The following MYO5C variants were observed in gnomAD, a reference collection of about 807,000 sequenced individuals.
The protein encoded by MYO5C is myosin VC.
In MYO5C, 194 loss-of-function variants were observed where a neutral mutation model predicts 235.7. The ratio of observed to expected loss-of-function variants is 0.82; its 90% CI spans 0.73 to 0.93. MYO5C has a LOEUF of 0.93. Among genes scored for constraint, MYO5C ranks in the 40% least tolerant of loss-of-function variants. MYO5C has a pLI of 0.00. For missense variants in MYO5C, 2,038 were observed against 2,127.2 expected (o/e 0.96, Z 0.82); for synonymous variants, 707 against 754.8 (o/e 0.94, Z 1.04).
At chr15:52,233,314 A>T (rs28665486) in intron 23 of MYO5C, among the ~76,000 whole-genome samples, 18,864 of 25,296 alleles carry the variant, frequency 0.75, 7,940 homozygotes, top group Non-Finnish European at 0.94. Context: ...AAAAAAAAAA[A>T]TAAATAAATA....
At chr15:52,197,291 G>C (rs1251989540) in intron 38 of MYO5C, among the ~76,000 whole-genome samples, 2 of 152,126 alleles carry the variant, frequency 1.3e-5, no homozygotes, top group African/African-American at 4.8e-5. Flanking sequence ...CCATGCAATG[G>C]GGTATTATTC....
Position 52,197,941 on chromosome 15 carries a change from T to C in MYO5C, c.4821-1458A>G, listed in dbSNP as rs115884071. Among the ~76,000 whole-genome samples, 1,169 of 152,148 alleles carry C rather than the reference T, an allele frequency of 7.7e-3. 13 individuals are homozygous for C. Among genetic ancestry groups the C allele is most frequent in the African/African-American group, 0.027 (1,131 of 41,512 alleles). Reference sequence around the variant, plus strand: ...GTGAGTGACTGTGCCTGGCCTGAACTATATACTTTAAACAGGTAAACTGTA... The same window carrying C: ...GTGAGTGACTGTGCCTGGCCTGAACCATATACTTTAAACAGGTAAACTGTA... On this transcript the variant is annotated intron_variant, in intron 38 of 40. Coordinates refer to ENST00000261839, the MANE Select transcript of MYO5C (RefSeq NM_018728.4).
intron 38 of MYO5C, among the ~76,000 whole-genome samples, chr15:52,203,503 G>A (rs1244786063): frequency 3.3e-5 from 5 of 151,814 alleles, no homozygotes; most frequent in African/African-American, 1.2e-4. Flanking sequence ...GTGCCACAAC[G>A]CCCAGCTAAT....
At position 52,193,173 on chromosome 15, in the gene MYO5C, C is replaced by CAG. The variant is rs2141249824; in HGVS notation, c.*728_*729insCT. On this transcript the variant is annotated 3_prime_UTR_variant, in exon 41 of 41. Transcript: ENST00000261839. The stretch of plus-strand genomic sequence containing the variant: ...ACTAAAAATACAAAAATTAGCTGGG[C>CAG]GTGGTGGCAGGTGCCTGTAGTCCCA... The CAG allele has an allele frequency of 6.6e-6, 1 of 151,970 alleles. No homozygotes were observed. The highest frequency in any genetic ancestry group is 2.1e-4 in the South Asian group (1 of 4,800). The allele number at this position is 151,970 out of a possible 1,614,324, so 9.4% of individuals were successfully genotyped here.
At chr15:52,232,328 G>GGGAGGAAA (rs2035980416) in intron 24 of MYO5C, among the ~76,000 whole-genome samples, 1 of 18,664 alleles carries the variant, frequency 5.4e-5, no homozygotes, top group African/African-American at 9.9e-5. Flanking sequence ...AAGGAAGGAA[G>GGGAGGAAA]GAGAGAAAGA....
chr15:52,221,073 A>AT, intron 30 of MYO5C, 89 bp downstream of exon 30: 1 of 1,018,498 alleles, frequency 9.8e-7, no homozygotes, highest in South Asian at 1.6e-5. Context: ...ACCAGAGTTT[A>AT]AAAGCCCTGA....
intron 22 of MYO5C, chr15:52,236,863 A>G (rs2036098131): frequency 6.6e-6 from 1 of 152,238 alleles, no homozygotes; most frequent in Non-Finnish European, 1.5e-5. Context: ...TATAGGAGGA[A>G]ACTAAAATTC....
chr15:52,213,146 C>A, intron 34 of MYO5C, 42 bp downstream of exon 34: 2 of 1,520,798 alleles, frequency 1.3e-6, no homozygotes, highest in Non-Finnish European at 9.1e-7. Context: ...TATGCAAGTT[C>A]TCAAAGAGAA....
Position 52,264,242 on chromosome 15 carries a change from T to G in MYO5C, c.995A>C (p.His332Pro), listed in dbSNP as rs753203744. The G allele has an allele frequency of 6.2e-7, 1 of 1,614,188 alleles. No individual in the cohort carries two copies. Among genetic ancestry groups the G allele is most frequent in the Non-Finnish European group, 8.5e-7 (1 of 1,180,022 alleles). The change falls in exon 9 of 41, where the codon CAT (histidine) becomes CCT (proline). Residue 332 changes from histidine to proline, a missense_variant. Transcript: ENST00000261839. ...CGCGGTGATCTGCACATTGCCCAGA[T>G]GTAGGATGGCTGCCAGGATTTTAAA... Reference protein sequence around the residue: ...DVFKILAAILHLGNVQITAVG... With the variant: ...DVFKILAAILPLGNVQITAVG...
At chr15:52,286,952 AAAAAGAAAAAAAAAAAAG>A in intron 1 of MYO5C, among the ~76,000 whole-genome samples, 1 of 140,100 alleles carries the variant, frequency 7.1e-6, no homozygotes, top group Non-Finnish European at 1.6e-5. Context: ...AAAAAAAAGA[AAAAAGAAAAAAAAAAAAG>A]AAAAACTAAC....
At chr15:52,202,918 A>AT (rs199690225) in intron 38 of MYO5C, among the ~76,000 whole-genome samples, 1,963 of 105,126 alleles carry the variant, frequency 0.019, 37 homozygotes, top group African/African-American at 0.053. Context: ...GGTACATGAA[A>AT]TTTTTTTTTG....
At chr15:52,272,802 A>G in intron 5 of MYO5C, 79 bp from the exon 6 acceptor site, 1 of 1,454,914 alleles carries the variant, frequency 6.9e-7, no homozygotes, top group Non-Finnish European at 9.5e-7. Flanking sequence ...TTTTTAGTAA[A>G]AGGCAATCCT....
At chr15:52,291,674 C>CGT (rs1566997940) in intron 1 of MYO5C, among the ~76,000 whole-genome samples, 1 of 151,068 alleles carries the variant, frequency 6.6e-6, no homozygotes, top group Non-Finnish European at 1.5e-5. Flanking sequence ...AAAGAAAGAC[C>CGT]GTCCAATCTT....
At position 52,237,793 on chromosome 15, in the gene MYO5C, A is replaced by T. The variant is rs1291469980; in HGVS notation, c.2704-147T>A. ...TATCACTGCACTGACATTTGTTAGC[A>T]TCTTCTTTGTGGTGAAACAGTATGG... On this transcript the variant is annotated intron_variant, in intron 21 of 40. Transcript: ENST00000261839. 24 of 735,100 alleles carry T rather than the reference A, an allele frequency of 3.3e-5. No homozygotes were observed. In the East Asian group the frequency reaches 6.3e-4, roughly 19 times the overall value. 45.5% of individuals were successfully genotyped at this position (735,100 alleles called of 1,614,324 possible). A position where few individuals can be genotyped will look rare whatever the true frequency, so the allele number is the denominator to read the frequency against.
At chr15:52,217,579 G>C (rs1252755611) in intron 32 of MYO5C, among the ~76,000 whole-genome samples, 1 of 152,224 alleles carries the variant, frequency 6.6e-6, no homozygotes, top group African/African-American at 2.4e-5. Context: ...TCCAGTCTCT[G>C]AGAAAGTTGT....
intron 1 of MYO5C, among the ~76,000 whole-genome samples, chr15:52,283,768 C>T (rs1325924497): frequency 2.0e-5 from 3 of 152,080 alleles, no homozygotes; most frequent in Admixed American, 2.0e-4. Flanking sequence ...CTCCACCTCC[C>T]GGGTTCAAGT....
At chr15:52,262,374 T>G (rs1436533432) in intron 9 of MYO5C, among the ~76,000 whole-genome samples, 2 of 152,224 alleles carry the variant, frequency 1.3e-5, no homozygotes, top group African/African-American at 2.4e-5. Flanking sequence ...ATAAGAAGCT[T>G]CACGGGAGAG....
chr15:52,194,140 T>C (rs79610645), intron 40 of MYO5C, 86 bp from the exon 41 acceptor site: 48,929 of 1,271,382 alleles, frequency 0.038, 1,222 homozygotes, highest in African/African-American at 0.088. Flanking sequence ...AAAACACAGC[T>C]ATCTCTAGTG....
intron 11 of MYO5C, among the ~76,000 whole-genome samples, chr15:52,255,848 A>C (rs1475974046): frequency 6.6e-6 from 1 of 152,210 alleles, no homozygotes; most frequent in East Asian, 1.9e-4. Flanking sequence ...GTATACACTC[A>C]AAAACGTCTT....
Sources: allele counts gnomAD v4.1 joint callset (sites outside exome capture counted in the v4.1 genomes callset), GRCh38; gene constraint gnomAD v4.1.1; transcripts MANE v1.5; gene names NCBI Gene and HGNC (gene_info 2026-07-23, HGNC 2026-07-21).